The following DGKH variants were observed in gnomAD, a reference collection of about 807,000 sequenced individuals.
DGKH encodes DAG kinase eta.
DGKH carries 90 observed loss-of-function variants against 159.3 expected under a neutral mutation model. The ratio of observed to expected loss-of-function variants is 0.57; its 90% CI spans 0.48 to 0.67. The LOEUF (loss-of-function observed/expected upper bound fraction) is 0.67. Ranked by LOEUF, DGKH falls within the 30% of genes least tolerant of loss-of-function variation. The pLI, the probability that DGKH is intolerant of heterozygous loss-of-function variation, is 0.00. For synonymous variants in DGKH, 536 were observed against 553.8 expected, an observed-to-expected ratio of 0.97 and a Z score of 0.45; for missense variants, 1,181 against 1,506.1, an observed-to-expected ratio of 0.78 and a Z score of 3.57.
chr13:42,087,536 T>A (rs1954331386), intron 1 of DGKH, among the ~76,000 whole-genome samples: 1 of 152,146 alleles, frequency 6.6e-6, no homozygotes, highest in Non-Finnish European at 1.5e-5. Flanking sequence ...TTAGTATACT[T>A]CGTTTGTTCA....
At chr13:42,098,021 C>G (rs1165886904) in intron 1 of DGKH, among the ~76,000 whole-genome samples, 1 of 152,142 alleles carries the variant, frequency 6.6e-6, no homozygotes, top group African/African-American at 2.4e-5. Context: ...CAAAATCTTC[C>G]AGTTCTTGTC....
chr13:42,255,999 G>C, intron 30 of DGKH: 1 of 1,590,012 alleles, frequency 6.3e-7, no homozygotes, highest in Non-Finnish European at 8.6e-7. Flanking sequence ...ACTACTGCCT[G>C]TAGTCTGATG....
chr13:42,245,337 C>T (rs942663186), downstream of DGKH, among the ~76,000 whole-genome samples: 4 of 152,006 alleles, frequency 2.6e-5, no homozygotes, highest in East Asian at 5.8e-4. Flanking sequence ...TCCCAATGCA[C>T]GGAATAGTGG....
intron 7 of DGKH, among the ~76,000 whole-genome samples, chr13:42,160,373 C>T (rs1015236718): frequency 6.6e-6 from 1 of 152,156 alleles, no homozygotes; most frequent in African/African-American, 2.4e-5. Context: ...GGATCTCTTA[C>T]CCATAGTTGT....
chr13:42,042,837 A>G (rs554468900), intron 1 of DGKH, among the ~76,000 whole-genome samples: 3 of 152,378 alleles, frequency 2.0e-5, no homozygotes, highest in South Asian at 4.1e-4. Flanking sequence ...GGTCGTACAG[A>G]TATCACCAAG....
intron 17 of DGKH, among the ~76,000 whole-genome samples, chr13:42,196,897 C>T (rs1438307396): frequency 6.6e-6 from 1 of 152,154 alleles, no homozygotes; most frequent in Non-Finnish European, 1.5e-5. Flanking sequence ...CAACTAGGAA[C>T]CTTGGGATAA....
At chr13:42,124,782 A>T (rs627089) in intron 1 of DGKH, among the ~76,000 whole-genome samples, 130,008 of 152,228 alleles carry the variant, frequency 0.85, 55,651 homozygotes, top group East Asian at 0.91. Context: ...GAGGGAGGCC[A>T]TAGAATGCTG....
chr13:42,149,341 G>A (rs916710761), intron 3 of DGKH, among the ~76,000 whole-genome samples: 1 of 152,148 alleles, frequency 6.6e-6, no homozygotes, highest in Admixed American at 6.5e-5. Flanking sequence ...GATGTTGAAA[G>A]CATAAATACA....
At chr13:42,095,078 A>AT (rs1954495527) in intron 1 of DGKH, among the ~76,000 whole-genome samples, 1 of 147,972 alleles carries the variant, frequency 6.8e-6, no homozygotes, top group African/African-American at 2.5e-5. Context: ...CTGCTTTATA[A>AT]TTTTTTCCAT....
chr13:42,219,276 C>T lies in DGKH; in HGVS notation c.3260C>T (p.Ser1087Phe). ...GAGCGAGTATCCAATGCCTTACACT[C>T]TGTGGAGGTGGAATTACAGAAACTG... ...HEERVSNALH[S>F]VEVELQKLTE... Residue 1087 changes from serine to phenylalanine, a missense_variant, in exon 27 of 30, where the codon TCT becomes TTT. Physicochemically the swap from Ser to Phe is radical, Grantham distance 155 (BLOSUM62 -2). Transcript: ENST00000337343. 1 of 1,613,956 alleles carries T rather than the reference C, an allele frequency of 6.2e-7. No individual in the cohort carries two copies. The highest frequency in any genetic ancestry group is 8.5e-7 in the Non-Finnish European group (1 of 1,179,904).
At position 42,157,925 on chromosome 13, in the gene DGKH, A is replaced by G. The variant is rs985576726; in HGVS notation, c.623-1341A>G. ...CAGGCATGCGCCATCACACCCGGCTAATTTTTTTATTTTTAGTAGAGACAA... is the reference window on the plus strand; with the variant it reads ...CAGGCATGCGCCATCACACCCGGCTGATTTTTTTATTTTTAGTAGAGACAA... On this transcript the variant is annotated intron_variant, in intron 5 of 29. Transcript: ENST00000337343. 2.0e-5 allele frequency among the ~76,000 whole-genome samples: 3 copies of G among 152,156 alleles called. No individual in the cohort carries two copies. The East Asian group carries it at 5.8e-4, about 29-fold the overall frequency.
intron 11 of DGKH, among the ~76,000 whole-genome samples, chr13:42,173,031 G>A (rs2138037805): frequency 6.6e-6 from 1 of 151,972 alleles, no homozygotes; most frequent in African/African-American, 2.4e-5. Flanking sequence ...GAGTGCAGTG[G>A]CATGATCTCA....
chr13:42,196,422 A>C (rs997416927), intron 17 of DGKH, among the ~76,000 whole-genome samples: 2 of 152,256 alleles, frequency 1.3e-5, no homozygotes, highest in African/African-American at 4.8e-5. Context: ...GAATGGAAGA[A>C]ACAAAAGTGA....
Position 42,209,075 on chromosome 13 carries a change from T to C in DGKH, c.2715+3T>C, listed in dbSNP as rs774558697. The C allele has an allele frequency of 1.2e-6, 2 of 1,609,246 alleles. No individual in the cohort carries two copies. The highest frequency in any genetic ancestry group is 3.4e-5 in the Admixed American group (2 of 59,306). ...TGCAGCATCATCGAATAGCCCAGGT[T>C]GGTTTCTCTCGTCAAACCTGACTGC... is the stretch of plus-strand genomic sequence containing the variant. On this transcript the variant is annotated splice_donor_region_variant and intron_variant, in intron 22 of 29. Transcript: ENST00000337343.
intron 3 of DGKH, among the ~76,000 whole-genome samples, chr13:42,149,616 T>G (rs1231240666): frequency 6.6e-6 from 1 of 152,232 alleles, no homozygotes; most frequent in Non-Finnish European, 1.5e-5. Context: ...TAGGTGACCT[T>G]CTGCACTTTG....
chr13:42,090,217 TA>T (rs1392861075), intron 1 of DGKH, among the ~76,000 whole-genome samples: 1 of 152,128 alleles, frequency 6.6e-6, no homozygotes, highest in African/African-American at 2.4e-5. Context: ...GAATAAATTT[TA>T]AAAAACTGTA....
chr13:42,126,550 A>G (rs868055867), intron 1 of DGKH, among the ~76,000 whole-genome samples: 4 of 152,288 alleles, frequency 2.6e-5, no homozygotes, highest in Non-Finnish European at 5.9e-5. Context: ...GGTGAAAACA[A>G]AATGAACTAG....
At chr13:42,246,319 C>T (rs895199350), downstream of DGKH, among the ~76,000 whole-genome samples, 3 of 152,038 alleles carry the variant, frequency 2.0e-5, no homozygotes, top group East Asian at 1.9e-4. Flanking sequence ...CGTGGTGGCT[C>T]GCACCTGTAA....
intron 16 of DGKH, among the ~76,000 whole-genome samples, chr13:42,193,445 T>C (rs1876495408): frequency 6.6e-6 from 1 of 152,218 alleles, no homozygotes; most frequent in African/African-American, 2.4e-5. Flanking sequence ...TGGAAATGAA[T>C]AGCAATAGTG....
Sources: gnomAD v4.1 joint callset for allele counts (sites outside exome capture counted in the v4.1 genomes callset) on GRCh38, gnomAD v4.1.1 for gene constraint, MANE v1.5 for transcripts, NCBI Gene and HGNC (gene_info 2026-07-23, HGNC 2026-07-21) for gene names.